Variants in RGS6 observed in about 807,000 individuals in gnomAD.
RGS6 encodes the protein regulator of G-protein signaling 6.
A neutral mutation model predicts 78.5 loss-of-function variants in RGS6; 30 were observed. That is an observed-to-expected ratio of 0.38 (90% CI 0.29 to 0.52). The LOEUF (loss-of-function observed/expected upper bound fraction) is 0.52. Ranked by LOEUF, RGS6 falls within the 20% of genes least tolerant of loss-of-function variation. RGS6 has a pLI of 0.85. For missense variants in RGS6, 495 were observed against 609.7 expected (o/e 0.81, Z 1.98); for synonymous variants, 206 against 206.0 (o/e 1.00, Z 0.00).
intron 12 of RGS6, among the ~76,000 whole-genome samples, chr14:72,490,890 G>C (rs1461773718): frequency 6.6e-6 from 1 of 152,162 alleles, no homozygotes; most frequent in Non-Finnish European, 1.5e-5. Flanking sequence ...CTCAAACTTG[G>C]ATGTGCATAT....
chr14:72,018,074 T>G (rs2087473364), intron 2 of RGS6, among the ~76,000 whole-genome samples: 1 of 152,184 alleles, frequency 6.6e-6, no homozygotes, highest in South Asian at 2.1e-4. Context: ...GGCTTCCAGC[T>G]CCATCCATGT....
chr14:72,099,389 G>T (rs1032412091), intron 2 of RGS6, among the ~76,000 whole-genome samples: 1 of 152,094 alleles, frequency 6.6e-6, no homozygotes, highest in Non-Finnish European at 1.5e-5. Context: ...TCGACCTCCT[G>T]ACCTGGTGAT....
At chr14:72,213,777 G>A (rs1029127102) in intron 2 of RGS6, among the ~76,000 whole-genome samples, 1 of 152,108 alleles carries the variant, frequency 6.6e-6, no homozygotes, top group African/African-American at 2.4e-5. Context: ...TAGATCTTAT[G>A]GTCAGAGTCT....
At chr14:72,014,245 T>G (rs1017355527) in intron 2 of RGS6, among the ~76,000 whole-genome samples, 6 of 152,206 alleles carry the variant, frequency 3.9e-5, no homozygotes. Context: ...AGGAATGACT[T>G]TAGTTGCTGC....
chr14:72,547,316 G>T, intron 17 of RGS6: 1 of 1,535,532 alleles, frequency 6.5e-7, no homozygotes, highest in Non-Finnish European at 8.7e-7. Context: ...AGACTGGAAA[G>T]TTCAAAGAGA....
chr14:72,404,274 G>T (rs1420040742), intron 3 of RGS6, among the ~76,000 whole-genome samples: 5 of 152,196 alleles, frequency 3.3e-5, no homozygotes, highest in African/African-American at 1.2e-4. Flanking sequence ...GCTCCTTTAA[G>T]ATGCCTCAGG....
At chr14:72,103,100 C>G (rs760001132) in intron 2 of RGS6, among the ~76,000 whole-genome samples, 7 of 152,166 alleles carry the variant, frequency 4.6e-5, no homozygotes, top group African/African-American at 7.2e-5. Flanking sequence ...CCTTTCTTAT[C>G]TCTCATATAA....
chr14:72,285,846 T>C (rs1043198191), intron 2 of RGS6, among the ~76,000 whole-genome samples: 1 of 152,194 alleles, frequency 6.6e-6, no homozygotes, highest in African/African-American at 2.4e-5. Flanking sequence ...CATTTGCCCA[T>C]TTTTAAATTT....
intron 2 of RGS6, among the ~76,000 whole-genome samples, chr14:72,218,482 G>A (rs544742374): frequency 6.6e-6 from 1 of 151,904 alleles, no homozygotes; most frequent in Non-Finnish European, 1.5e-5. Flanking sequence ...TTAATATGTT[G>A]TATCAGTATA....
intron 2 of RGS6, among the ~76,000 whole-genome samples, chr14:72,313,109 G>C (rs535667644): frequency 6.6e-6 from 1 of 152,294 alleles, no homozygotes; most frequent in Admixed American, 6.5e-5. Context: ...CCAGGTAACT[G>C]TCAGTACCTT....
At chr14:71,994,418 A>G (rs1408516326) in intron 2 of RGS6, among the ~76,000 whole-genome samples, 3 of 152,098 alleles carry the variant, frequency 2.0e-5, no homozygotes, top group African/African-American at 7.2e-5. Flanking sequence ...TTCCTCGAAT[A>G]CAGTGCTTTT....
At chr14:72,270,703 G>C (rs998226050) in intron 2 of RGS6, among the ~76,000 whole-genome samples, 1 of 152,190 alleles carries the variant, frequency 6.6e-6, no homozygotes, top group African/African-American at 2.4e-5. Context: ...TTCATTTGTT[G>C]CTGGGCAGCT....
chr14:72,449,543 T>C (rs1441545810), intron 3 of RGS6, among the ~76,000 whole-genome samples: 2 of 152,214 alleles, frequency 1.3e-5, no homozygotes, highest in Non-Finnish European at 2.9e-5. Flanking sequence ...CTGAATTTTA[T>C]GAGTGTCTGC....
intron 2 of RGS6, among the ~76,000 whole-genome samples, chr14:72,190,452 A>G (rs2097308544): frequency 6.6e-6 from 1 of 151,910 alleles, no homozygotes; most frequent in Admixed American, 6.6e-5. Context: ...TATCATGTCT[A>G]CTCCAGGATT....
chr14:72,367,119 C>T (rs2082589109), intron 3 of RGS6, among the ~76,000 whole-genome samples: 1 of 152,210 alleles, frequency 6.6e-6, no homozygotes, highest in Non-Finnish European at 1.5e-5. Flanking sequence ...CTGGATTCCT[C>T]ACTACCATTG....
chr14:72,153,852 C>T (rs2096730361), intron 2 of RGS6, among the ~76,000 whole-genome samples: 1 of 152,114 alleles, frequency 6.6e-6, no homozygotes, highest in South Asian at 2.1e-4. Flanking sequence ...TTCAGTGGTG[C>T]ACGTATTATC....
intron 2 of RGS6, among the ~76,000 whole-genome samples, chr14:72,254,719 T>C (rs542045270): frequency 6.6e-6 from 1 of 152,258 alleles, no homozygotes; most frequent in Non-Finnish European, 1.5e-5. Context: ...AATCCCTCCA[T>C]GTGTCAAACT....
chr14:72,529,235 G>A (rs913650848), intron 15 of RGS6, among the ~76,000 whole-genome samples: 2 of 152,188 alleles, frequency 1.3e-5, no homozygotes, highest in African/African-American at 4.8e-5. Context: ...CATGGGGTCT[G>A]CATGGGGTGT....
chr14:72,077,527 G>A (rs1239565473), intron 2 of RGS6, among the ~76,000 whole-genome samples: 3 of 151,992 alleles, frequency 2.0e-5, no homozygotes, highest in Non-Finnish European at 2.9e-5. Context: ...TTATCAACTC[G>A]TTGGAAAATG....
Sources: allele counts gnomAD v4.1 joint callset (sites outside exome capture counted in the v4.1 genomes callset), GRCh38; gene constraint gnomAD v4.1.1; transcripts MANE v1.5; gene names NCBI Gene and HGNC (gene_info 2026-07-23, HGNC 2026-07-21).